The following STAM variants were observed in gnomAD, a reference collection of about 807,000 sequenced individuals.
STAM encodes the protein signal transducing adaptor molecule, also known as signal transducing adapter molecule 1.
STAM carries 16 observed loss-of-function variants against 63.4 expected under a neutral mutation model. That is an observed-to-expected ratio of 0.25 (90% CI 0.17 to 0.38). STAM has a LOEUF of 0.38. Among genes scored for constraint, STAM ranks in the 10% least tolerant of loss-of-function variants. STAM has a pLI of 1.00. For synonymous variants in STAM, 238 were observed against 223.9 expected, an observed-to-expected ratio of 1.06 and a Z score of -0.56; for missense variants, 636 against 657.1, an observed-to-expected ratio of 0.97 and a Z score of 0.35.
chr10:17,675,815 G>C (rs1306124452), intron 2 of STAM, among the ~76,000 whole-genome samples: 1 of 151,720 alleles, frequency 6.6e-6, no homozygotes, highest in Admixed American at 6.6e-5. Flanking sequence ...TTTTAACAGT[G>C]ACTCTCTAAT....
rs782582591 is a variant in STAM, at chr10:17,714,657, T to G, written c.1500T>G (p.Asn500Lys). 1.9e-6 allele frequency: 3 copies of G among 1,614,160 alleles called. No homozygotes were observed. In the East Asian group the frequency reaches 6.7e-5, roughly 36 times the overall value. Residue 500 changes from asparagine to lysine, a missense_variant, in exon 14 of 14, where the codon AAT (asparagine) becomes AAG (lysine). This residue lies in a region of STAM where 532 missense variants were observed against 536.9 expected (regional missense o/e 0.99). Coordinates refer to ENST00000377524, the MANE Select transcript of STAM (RefSeq NM_003473.4). ...CTGCCGATGTCACTCTGTACCAGAA[T>G]GCAGGACCTAATATGCCCCAGGTGC... is the stretch of plus-strand genomic sequence containing the variant. ...AATADVTLYQ[N>K]AGPNMPQVPN...
At chr10:17,707,413 A>AAAT (rs782193967) in intron 12 of STAM, among the ~76,000 whole-genome samples, 98 of 151,602 alleles carry the variant, frequency 6.5e-4, no homozygotes, top group Middle Eastern at 3.4e-3. Flanking sequence ...CCACCTCAAA[A>AAAT]AATAATAATA....
In STAM at chr10:17,714,537, C is replaced by T; in HGVS notation, c.1386-6C>T. The stretch of plus-strand genomic sequence containing the variant: ...GATGTAATTGAGTGTTTTTCTTCCT[C>T]CACAGTACAATGGTCAGTTCCGTTC... On this transcript the variant is annotated splice_polypyrimidine_tract_variant and splice_region_variant and intron_variant, in intron 13 of 13. Transcript: ENST00000377524. The T allele has an allele frequency of 6.2e-7, 1 of 1,613,224 alleles. No homozygotes were observed. The highest frequency in any genetic ancestry group is 8.5e-7 in the Non-Finnish European group (1 of 1,179,204).
intron 5 of STAM, among the ~76,000 whole-genome samples, chr10:17,690,422 CT>C: frequency 6.6e-6 from 1 of 152,142 alleles, no homozygotes; most frequent in South Asian, 2.1e-4. Flanking sequence ...TATGTAACAG[CT>C]AATCTTGTCA....
At chr10:17,681,345 A>G (rs1835079096) in intron 2 of STAM, among the ~76,000 whole-genome samples, 1 of 151,000 alleles carries the variant, frequency 6.6e-6, no homozygotes, top group Non-Finnish European at 1.5e-5. Context: ...TTTTTCATTG[A>G]CCCATTGGCT....
In STAM at chr10:17,644,180, C is replaced by T; in HGVS notation, c.-160C>T. 1.4e-6 allele frequency: 1 copy of T among 723,276 alleles called. No homozygotes were observed. The highest frequency in any genetic ancestry group is 2.3e-6 in the Non-Finnish European group (1 of 425,620). 44.8% of individuals were successfully genotyped at this position (723,276 alleles called of 1,614,324 possible). On this transcript the variant is annotated 5_prime_UTR_variant, in exon 1 of 14. Transcript: ENST00000377524. ...GCTGTTGCCGCCGCCGCAGCTGCTG[C>T]CGCGGTTGGTGGGGTTGGGTGAGAG...
rs782269561 is a variant in STAM at position 17,644,323 on chromosome 10, C to G, written c.-17C>G. On this transcript the variant is annotated 5_prime_UTR_variant, in exon 1 of 14. Transcript: ENST00000377524. ...GTCGAGAGGGAGTCCCCGGGGACACCTCGGCACGCAGCGGAGATGCCTCTT... is the reference window on the plus strand; with the variant it reads ...GTCGAGAGGGAGTCCCCGGGGACACGTCGGCACGCAGCGGAGATGCCTCTT... 1 of 1,614,138 alleles carries G rather than the reference C, an allele frequency of 6.2e-7. No homozygotes were observed. Among genetic ancestry groups the G allele is most frequent in the African/African-American group, 1.3e-5 (1 of 75,046 alleles).
At chr10:17,677,042 T>C (rs1309569632) in intron 2 of STAM, among the ~76,000 whole-genome samples, 8 of 152,206 alleles carry the variant, frequency 5.3e-5, no homozygotes, top group Non-Finnish European at 7.3e-5. Flanking sequence ...TTTAAGCTAG[T>C]ATGTAAAAAG....
chr10:17,664,283 A>T (rs1371536093), intron 2 of STAM, among the ~76,000 whole-genome samples: 1 of 151,936 alleles, frequency 6.6e-6, no homozygotes, highest in Admixed American at 6.6e-5. Flanking sequence ...TTTTGTGGTA[A>T]ATTATATATA....
chr10:17,702,785 A>G (rs60096704), intron 9 of STAM, among the ~76,000 whole-genome samples: 15,440 of 152,170 alleles, frequency 0.1, 850 homozygotes, highest in Middle Eastern at 0.15. Context: ...CGAGGCGGGC[A>G]GATCACGAGG....
Position 17,695,171 on chromosome 10 carries a change from G to A in STAM, c.658G>A (p.Asp220Asn), listed in dbSNP as rs1554827335. 1 of 1,614,032 alleles carries A rather than the reference G, an allele frequency of 6.2e-7. No homozygotes were observed. Among genetic ancestry groups the A allele is most frequent in the South Asian group, 1.1e-5 (1 of 91,072 alleles). The change falls in exon 7 of 14, where the codon GAC (aspartate) becomes AAC (asparagine). Residue 220 changes from aspartate (D) to asparagine (N), a missense_variant. Physicochemically the swap from Asp to Asn is conservative, Grantham distance 23. This residue lies in a region of STAM where 532 missense variants were observed against 536.9 expected (regional missense o/e 0.99). Transcript: ENST00000377524. ...HEGRKVRAIYDFEAAEDNELT... is the reference protein window; with the variant it reads ...HEGRKVRAIYNFEAAEDNELT... ...AGGCCGAAAAGTTCGTGCTATATAT[G>A]ACTTTGAAGCTGCTGAAGACAATGA...
rs72446968 is a variant in STAM, at chr10:17,715,388, G to GAT, written c.*621_*622dup. ...CCTTTTACTAATTGTGAGCTAAAGA[G>GAT]ATATATATATATATGTGTGTGTATA... On this transcript the variant is annotated 3_prime_UTR_variant, in exon 14 of 14. Coordinates refer to ENST00000377524, the MANE Select transcript of STAM (RefSeq NM_003473.4). 1.3e-3 allele frequency: 201 copies of GAT among 156,084 alleles called. No homozygotes were observed. Among genetic ancestry groups the GAT allele is most frequent in the African/African-American group, 4.0e-3 (163 of 41,092 alleles). 9.7% of individuals were successfully genotyped at this position (156,084 alleles called of 1,614,324 possible).
At chr10:17,679,208 A>G (rs1374725037) in intron 2 of STAM, among the ~76,000 whole-genome samples, 1 of 152,158 alleles carries the variant, frequency 6.6e-6, no homozygotes, top group East Asian at 1.9e-4. Flanking sequence ...TAATTTCACT[A>G]CATCCCCTCC....
intron 12 of STAM, among the ~76,000 whole-genome samples, chr10:17,706,321 T>C (rs1476170267): frequency 3.4e-5 from 5 of 146,350 alleles, no homozygotes; most frequent in Non-Finnish European, 7.5e-5. Context: ...TACAGATATA[T>C]CCATCCCACT....
At chr10:17,689,104 T>A (rs969758142) in intron 5 of STAM, among the ~76,000 whole-genome samples, 6 of 152,222 alleles carry the variant, frequency 3.9e-5, no homozygotes, top group South Asian at 2.1e-4. Context: ...AAAAATTCAG[T>A]CTCTAATTTA....
rs782198773 is a variant in STAM, at chr10:17,684,683, A to G, written c.134A>G (p.Asp45Gly). Residue 45 changes from aspartate to glycine, a missense_variant, in exon 3 of 14, where the codon GAT (aspartate) becomes GGT (glycine). Coordinates refer to ENST00000377524, the MANE Select transcript of STAM (RefSeq NM_003473.4). ...TTTTCTCATTTTTTTAGACCTAAGG[A>G]TTGTCTTCGGTCTATTATGAGAAGA... ...KVGQSRTGPK[D>G]CLRSIMRRVN... is the part of the protein sequence containing the mutation. 7 of 1,612,290 alleles carry G rather than the reference A, an allele frequency of 4.3e-6. No individual in the cohort carries two copies. The highest frequency in any genetic ancestry group is 3.3e-5 in the South Asian group (3 of 90,560).
At chr10:17,711,206 TG>T (rs1388063487) in intron 13 of STAM, among the ~76,000 whole-genome samples, 39 of 152,236 alleles carry the variant, frequency 2.6e-4, no homozygotes, top group African/African-American at 7.5e-4. Flanking sequence ...TAAAGCTCAC[TG>T]TTTTTCAGAC....
intron 4 of STAM, among the ~76,000 whole-genome samples, chr10:17,687,385 C>A (rs1466137073): frequency 1.3e-5 from 2 of 152,008 alleles, no homozygotes; most frequent in Non-Finnish European, 2.9e-5. Flanking sequence ...ACAAGAGAAT[C>A]GCTTGAACCG....
intron 9 of STAM, among the ~76,000 whole-genome samples, chr10:17,701,534 G>A (rs1362745537): frequency 6.6e-6 from 1 of 152,192 alleles, no homozygotes; most frequent in Non-Finnish European, 1.5e-5. Context: ...GAAGAATTGA[G>A]TAGTAGCAAC....
Sources: gnomAD v4.1 joint callset for allele counts (sites outside exome capture counted in the v4.1 genomes callset) on GRCh38, gnomAD v4.1.1 for gene constraint, gnomAD v4.1.1 regional missense constraint, MANE v1.5 for transcripts, NCBI Gene and HGNC (gene_info 2026-07-23, HGNC 2026-07-21) for gene names.